The following SVOP variants were observed in gnomAD, a reference collection of about 807,000 sequenced individuals.
SVOP encodes SV2 related protein.
SVOP carries 17 observed loss-of-function variants against 69.1 expected under a neutral mutation model. That is an observed-to-expected ratio of 0.25 (90% confidence interval 0.17 to 0.37). The LOEUF (loss-of-function observed/expected upper bound fraction) is 0.37. Among genes scored for constraint, SVOP ranks in the 10% least tolerant of loss-of-function variants. The pLI is 1.00. For missense variants in SVOP, 435 were observed against 597.5 expected, an observed-to-expected ratio of 0.73 and a Z score of 2.84; for synonymous variants, 238 against 238.6, an observed-to-expected ratio of 1.00 and a Z score of 0.02.
intron 1 of SVOP, among the ~76,000 whole-genome samples, chr12:108,984,169 A>G (rs1048089626): frequency 2.0e-5 from 3 of 152,136 alleles, no homozygotes; most frequent in African/African-American, 7.2e-5. Flanking sequence ...CCATATTTCT[A>G]AAAGTTTAAA....
At chr12:108,919,192 C>T (rs1431730764) in intron 13 of SVOP, among the ~76,000 whole-genome samples, 5 of 148,988 alleles carry the variant, frequency 3.4e-5, no homozygotes, top group Admixed American at 2.7e-4. Flanking sequence ...CTTGGGCTTA[C>T]ACCCACACTT....
chr12:108,938,803 G>C, intron 9 of SVOP, 24 bp downstream of exon 9: 1 of 1,613,920 alleles, frequency 6.2e-7, no homozygotes, highest in Non-Finnish European at 8.5e-7. Flanking sequence ...GCACATTGCA[G>C]AGTCTATTGG....
intron 1 of SVOP, among the ~76,000 whole-genome samples, chr12:108,984,818 G>A (rs2040158698): frequency 6.6e-6 from 1 of 152,180 alleles, no homozygotes; most frequent in South Asian, 2.1e-4. Flanking sequence ...GGGTTTTGGG[G>A]TTATAGCACT....
At chr12:108,936,575 A>C (rs1380272848) in intron 10 of SVOP, among the ~76,000 whole-genome samples, 3 of 152,080 alleles carry the variant, frequency 2.0e-5, no homozygotes, top group Admixed American at 6.6e-5. Flanking sequence ...TCCTGGGCTC[A>C]AGTGATCCTC....
intron 6 of SVOP, among the ~76,000 whole-genome samples, chr12:108,956,985 A>G (rs942579725): frequency 6.6e-6 from 1 of 152,172 alleles, no homozygotes; most frequent in African/African-American, 2.4e-5. Flanking sequence ...TCCCAGGAGA[A>G]AAGATTCATG....
At chr12:109,002,876 T>A (rs2040281069) in intron 1 of SVOP, among the ~76,000 whole-genome samples, 1 of 150,556 alleles carries the variant, frequency 6.6e-6, no homozygotes, top group Non-Finnish European at 1.5e-5. Flanking sequence ...AGTTAGTGGG[T>A]GCAATGCACC....
At chr12:108,941,004 A>G (rs1268251069) in intron 7 of SVOP, 95 bp from the exon 8 acceptor site, 8 of 1,460,732 alleles carry the variant, frequency 5.5e-6, no homozygotes, top group South Asian at 2.7e-5. Flanking sequence ...CTCTGTGGGT[A>G]AGGGGTCATC....
chr12:108,939,034 G>A (rs1233418685), intron 8 of SVOP, 79 bp from the exon 9 acceptor site: 1 of 1,597,184 alleles, frequency 6.3e-7, no homozygotes, highest in Non-Finnish European at 8.5e-7. Context: ...ACACAGTGTT[G>A]CATGTGGGGT....
At chr12:109,018,097 A>AATGG (rs201477291) in intron 1 of SVOP, among the ~76,000 whole-genome samples, 1 of 34,126 alleles carries the variant, frequency 2.9e-5, no homozygotes, top group South Asian at 1.3e-3. Flanking sequence ...TCAGTGAAAG[A>AATGG]ATGGATGGAT....
At chr12:109,007,178 T>C (rs2040313706) in intron 1 of SVOP, among the ~76,000 whole-genome samples, 2 of 152,232 alleles carry the variant, frequency 1.3e-5, no homozygotes, top group Admixed American at 1.3e-4. Context: ...AAAACACTGA[T>C]AACCAGTATC....
intron 1 of SVOP, among the ~76,000 whole-genome samples, chr12:108,993,405 C>T (rs573946853): frequency 2.0e-5 from 3 of 149,768 alleles, no homozygotes; most frequent in Non-Finnish European, 3.0e-5. Context: ...AAAAGAAAAT[C>T]CTTAGCTCTT....
chr12:108,951,830 G>A (rs191793686), intron 6 of SVOP, among the ~76,000 whole-genome samples: 27 of 152,312 alleles, frequency 1.8e-4, no homozygotes, highest in Admixed American at 1.2e-3. Context: ...AATATTTTCC[G>A]TCCCGGTATC....
rs1593183793 is a variant in SVOP at position 108,938,977 on chromosome 12, AC to A, written c.769-23del. On this transcript the variant is annotated intron_variant, in intron 8 of 15. Transcript: ENST00000610966. The stretch of plus-strand genomic sequence containing the variant: ...GCCACTGGGATGGGGGAGACAGGAA[AC>A]CCAGGCGTGGCTGGTTAGGGTGGAA... 7 of 1,613,654 alleles carry A rather than the reference AC, an allele frequency of 4.3e-6. No individual in the cohort carries two copies. In the East Asian group the frequency reaches 1.6e-4, roughly 36 times the overall value.
intron 5 of SVOP, among the ~76,000 whole-genome samples, chr12:108,962,418 G>A (rs542826783): frequency 2.3e-4 from 35 of 152,216 alleles, no homozygotes; most frequent in African/African-American, 7.9e-4. Flanking sequence ...TTTAAAGTAC[G>A]TGAATGACTA....
chr12:108,946,062 A>G (rs558040440), intron 6 of SVOP, among the ~76,000 whole-genome samples: 1 of 152,340 alleles, frequency 6.6e-6, no homozygotes, highest in East Asian at 1.9e-4. Context: ...TATCTAAGTC[A>G]TCTACCACTG....
At chr12:108,928,159 C>T (rs898317552) in intron 11 of SVOP, among the ~76,000 whole-genome samples, 2 of 152,162 alleles carry the variant, frequency 1.3e-5, no homozygotes, top group Non-Finnish European at 2.9e-5. Flanking sequence ...CTGCCTCAGC[C>T]TCCCAAAGTG....
At chr12:108,985,266 A>G (rs910004028) in intron 1 of SVOP, among the ~76,000 whole-genome samples, 48,179 of 150,114 alleles carry the variant, frequency 0.32, 8,174 homozygotes, top group African/African-American at 0.41. Context: ...AAAGAAAGAG[A>G]GAGAGAGGAG....
chr12:108,942,551 G>T (rs1278004397), intron 7 of SVOP, among the ~76,000 whole-genome samples: 1 of 152,184 alleles, frequency 6.6e-6, no homozygotes, highest in Non-Finnish European at 1.5e-5. Flanking sequence ...AGCGGAGGGA[G>T]GAAAAAGAGA....
At chr12:108,995,761 C>T (rs1049020408) in intron 1 of SVOP, among the ~76,000 whole-genome samples, 6 of 151,642 alleles carry the variant, frequency 4.0e-5, no homozygotes, top group Non-Finnish European at 7.4e-5. Flanking sequence ...ATTAGCCGGG[C>T]GTGTTGGGTC....
Sources: allele counts gnomAD v4.1 joint callset (sites outside exome capture counted in the v4.1 genomes callset), GRCh38; gene constraint gnomAD v4.1.1; transcripts MANE v1.5; gene names NCBI Gene and HGNC (gene_info 2026-07-23, HGNC 2026-07-21).